The following MYLK variants were observed in gnomAD, a reference collection of about 807,000 sequenced individuals.
MYLK encodes myosin light chain kinase, also known as myosin light chain kinase, smooth muscle.
A neutral mutation model predicts 203.4 loss-of-function variants in MYLK; 106 were observed. That is an observed-to-expected ratio of 0.52 (90% CI 0.45 to 0.61). The LOEUF (loss-of-function observed/expected upper bound fraction) is 0.61, where lower values mean the gene tolerates loss of function less well. Ranked by LOEUF, MYLK falls within the 20% of genes least tolerant of loss-of-function variation. MYLK has a pLI of 0.00. For synonymous variants in MYLK, 867 were observed against 959.5 expected, an observed-to-expected ratio of 0.90 and a Z score of 1.78; for missense variants, 2,072 against 2,442.3, an observed-to-expected ratio of 0.85 and a Z score of 3.20.
intron 4 of MYLK, among the ~76,000 whole-genome samples, chr3:123,768,941 TAG>T (rs1272599839): frequency 6.6e-6 from 1 of 152,232 alleles, no homozygotes; most frequent in East Asian, 1.9e-4. Flanking sequence ...GCTCTGCCTC[TAG>T]AGAGCCTCCC....
At chr3:123,628,297 A>T (rs2058251874) in intron 30 of MYLK, among the ~76,000 whole-genome samples, 1 of 152,138 alleles carries the variant, frequency 6.6e-6, no homozygotes, top group South Asian at 2.1e-4. Flanking sequence ...CTCCTTCAGC[A>T]ACTAACTGTG....
chr3:123,739,616 T>C (rs1049496750), intron 6 of MYLK, among the ~76,000 whole-genome samples: 8 of 152,378 alleles, frequency 5.3e-5, no homozygotes, highest in African/African-American at 1.9e-4. Flanking sequence ...GCCACTGTGA[T>C]TTGAGGCTTG....
chr3:123,811,976 A>G (rs1430329272), intron 3 of MYLK, among the ~76,000 whole-genome samples: 1 of 152,206 alleles, frequency 6.6e-6, no homozygotes. Flanking sequence ...ACAGAATGCT[A>G]TCACCTGGAG....
At chr3:123,692,685 G>A (rs1383284785) in intron 19 of MYLK, 50 bp downstream of exon 19, 2 of 1,421,050 alleles carry the variant, frequency 1.4e-6, no homozygotes, top group Non-Finnish European at 1.0e-6. Flanking sequence ...GAGGGGCTGA[G>A]AAATGGGACC....
In MYLK at chr3:123,642,900, C is replaced by A. The variant is rs1407590741; in HGVS notation, c.4620-2396G>T. Reference sequence around the variant, plus strand: ...GGCTCTTATTAAAAATACAAATTCCCAAGCTCCTCCTCTGGAGATTTTGAT... The same window carrying A: ...GGCTCTTATTAAAAATACAAATTCCAAAGCTCCTCCTCTGGAGATTTTGAT... On this transcript the variant is annotated intron_variant, in intron 27 of 33. Transcript: ENST00000360304. The surrounding 1 kb of genome is among the most constrained non-coding windows in gnomAD (Gnocchi z 4.2). Among the ~76,000 whole-genome samples, 20 of 152,190 alleles carry A rather than the reference C, an allele frequency of 1.3e-4. No individual in the cohort carries two copies. The highest frequency in any genetic ancestry group is 1.3e-3 in the Admixed American group (20 of 15,286).
chr3:123,660,457 T>C (rs574896654), intron 23 of MYLK, among the ~76,000 whole-genome samples: 240 of 152,344 alleles, frequency 1.6e-3, no homozygotes, highest in Non-Finnish European at 2.4e-3. Context: ...CTGGGTATGC[T>C]GCTCACTGTC....
chr3:123,700,449 C>T lies in MYLK; in HGVS notation c.3019G>A (p.Ala1007Thr), dbSNP rs771297772. The T allele has an allele frequency of 1.2e-6, 2 of 1,609,152 alleles. No homozygotes were observed. The highest frequency in any genetic ancestry group is 4.5e-5 in the East Asian group (2 of 44,654). The change falls in exon 18 of 34, where the codon GCA (alanine) becomes ACA (threonine). Residue 1007 changes from alanine (A) to threonine (T), a missense_variant. Physicochemically the swap from Ala to Thr is moderately conservative, Grantham distance 58. Transcript: ENST00000360304. ...CTCAGGGGCTTGGAACTCTCCACTG[C>T]CTTGGCATTCAGGGTCTCGGCACTG... ...SSSAETLNAK[A>T]VESSKPLSNA...
At position 123,700,692 on chromosome 3, in the gene MYLK, G is replaced by A. The variant is rs766824318; in HGVS notation, c.2776C>T (p.Arg926Cys). The A allele has an allele frequency of 4.8e-5, 78 of 1,614,086 alleles. No individual in the cohort carries two copies. Among genetic ancestry groups the A allele is most frequent in the Middle Eastern group, 1.6e-4 (1 of 6,062 alleles). Residue 926 changes from arginine to cysteine, a missense_variant, in exon 18 of 34, where the codon CGT becomes TGT. By Grantham distance (180) the Arg-to-Cys change is radical (BLOSUM62 -3). Transcript: ENST00000360304. ...TTCACTTGCCGCTGCAGGTTGGCAC[G>A]GAAATCCATCTGCTCGGCTGGGATC... Reference protein sequence around the residue: ...KEIPAEQMDFRANLQRQVKPK... With the variant: ...KEIPAEQMDFCANLQRQVKPK...
At chr3:123,704,853 G>A (rs1359219994) in intron 16 of MYLK, among the ~76,000 whole-genome samples, 3 of 152,120 alleles carry the variant, frequency 2.0e-5, no homozygotes, top group Admixed American at 6.5e-5. Context: ...CCGGGAGGTG[G>A]AGCTTGCAGT....
At chr3:123,858,256 C>G (rs879862537) in intron 2 of MYLK, among the ~76,000 whole-genome samples, 1 of 152,080 alleles carries the variant, frequency 6.6e-6, no homozygotes, top group South Asian at 2.1e-4. Flanking sequence ...TGAGAGGTCT[C>G]CAGAGTGGGA....
intron 3 of MYLK, among the ~76,000 whole-genome samples, chr3:123,830,026 C>G (rs901480428): frequency 3.9e-5 from 6 of 152,216 alleles, no homozygotes; most frequent in Admixed American, 2.6e-4. Flanking sequence ...GTTCCCGTCA[C>G]AGCATAAAGT....
chr3:123,733,959 G>T lies in MYLK; in HGVS notation c.1037C>A (p.Thr346Asn), dbSNP rs1321752866. Residue 346 changes from threonine (T) to asparagine (N), a missense_variant, in exon 10 of 34, where the codon ACC becomes AAC. Transcript: ENST00000360304. ...PVLQKTSSSI[T>N]LQAARVQPEP... ...CGGCTGAACTCTTGCGGCCTGCAGGGTGATGGAGCTGGAAGTCTTCTGAAG... is the reference window on the plus strand; with the variant it reads ...CGGCTGAACTCTTGCGGCCTGCAGGTTGATGGAGCTGGAAGTCTTCTGAAG... 1.9e-6 allele frequency: 3 copies of T among 1,614,198 alleles called. No individual in the cohort carries two copies. The highest frequency in any genetic ancestry group is 2.5e-6 in the Non-Finnish European group (3 of 1,180,040).
rs565194447 is a variant in MYLK at position 123,745,038 on chromosome 3, G to A, written c.374-5037C>T. Among the ~76,000 whole-genome samples the A allele has an allele frequency of 2.6e-5, 4 of 152,218 alleles. No individual in the cohort carries two copies. The South Asian group carries it at 8.3e-4, about 32-fold the overall frequency. ...ATATTTCATTTAGTAGAAAATTTGT[G>A]CAGAGTAAATTTTTCAAAAATTTTG... On this transcript the variant is annotated intron_variant, in intron 5 of 33. Transcript: ENST00000360304.
intron 4 of MYLK, among the ~76,000 whole-genome samples, chr3:123,755,712 C>T (rs1479375415): frequency 1.3e-5 from 2 of 152,064 alleles, no homozygotes; most frequent in Non-Finnish European, 2.9e-5. Flanking sequence ...TCCCAGGTTG[C>T]CTTATCTGCT....
Position 123,629,736 on chromosome 3 carries a change from C to T in MYLK, c.4962-110G>A, listed in dbSNP as rs1262116219. 6 of 1,170,808 alleles carry T rather than the reference C, an allele frequency of 5.1e-6. No homozygotes were observed. Among genetic ancestry groups the T allele is most frequent in the South Asian group, 5.1e-5 (4 of 78,624 alleles). The allele number at this position is 1,170,808 out of a possible 1,614,324, so 72.5% of individuals were successfully genotyped here. ...GTCGGCCAGCCTCCCCACCCCCAAACTCATGCTCTGTGGGCCTTGCACCTG... is the reference window on the plus strand; with the variant it reads ...GTCGGCCAGCCTCCCCACCCCCAAATTCATGCTCTGTGGGCCTTGCACCTG... On this transcript the variant is annotated intron_variant, in intron 29 of 33. Coordinates refer to ENST00000360304, the MANE Select transcript of MYLK (RefSeq NM_053025.4). This position sits in a 1 kb window ranked among gnomAD's most constrained non-coding sequence, Gnocchi z 4.4.
At chr3:123,846,011 T>C (rs72972384) in intron 2 of MYLK, among the ~76,000 whole-genome samples, 3,092 of 152,322 alleles carry the variant, frequency 0.02, 113 homozygotes, top group African/African-American at 0.069. Context: ...CCAGACTTTA[T>C]TTGGATTTCA....
intron 33 of MYLK, chr3:123,617,236 A>C (rs1036151182): frequency 2.0e-5 from 3 of 152,244 alleles, no homozygotes; most frequent in African/African-American, 4.8e-5. Context: ...AGAGAAAATT[A>C]AGTACGAAAC....
chr3:123,713,599 G>C (rs2061787540), intron 13 of MYLK, among the ~76,000 whole-genome samples: 1 of 149,656 alleles, frequency 6.7e-6, no homozygotes, highest in South Asian at 2.1e-4. Context: ...GTGTGTGTGT[G>C]TGTGTGTGTG....
intron 32 of MYLK, 131 bp downstream of exon 32, chr3:123,620,076 C>T: frequency 3.6e-6 from 3 of 838,310 alleles, no homozygotes; most frequent in Non-Finnish European, 5.9e-6. Context: ...CCCAAAATTA[C>T]TTCTGAATTT....
Sources: gnomAD v4.1 joint callset for allele counts (sites outside exome capture counted in the v4.1 genomes callset) on GRCh38, gnomAD v4.1.1 for gene constraint, Gnocchi (gnomAD v3.1) non-coding constraint, MANE v1.5 for transcripts, NCBI Gene and HGNC (gene_info 2026-07-23, HGNC 2026-07-21) for gene names.